MAP3K21: variants seen among roughly 807,000 people sequenced by gnomAD.
MAP3K21 encodes mitogen-activated protein kinase kinase kinase 21, also known as mitogen-activated protein kinase kinase kinase MLK4.
A neutral mutation model predicts 86.1 loss-of-function variants in MAP3K21; 63 were observed. The observed-to-expected ratio is 0.73, with a 90% CI of 0.60 to 0.90. MAP3K21 has a LOEUF of 0.90. Ranked by LOEUF, MAP3K21 falls within the 40% of genes least tolerant of loss-of-function variation. The pLI, the probability that MAP3K21 is intolerant of heterozygous loss-of-function variation, is 0.00. For synonymous variants in MAP3K21, 558 were observed against 564.8 expected (o/e 0.99, Z 0.17); for missense variants, 1,220 against 1,367.7 (o/e 0.89, Z 1.70).
At position 233,328,716 on chromosome 1, in the gene MAP3K21, C is replaced by CGCCGCATCCCTCCGCACGT; in HGVS notation, c.691_709dup (p.Leu237ProfsTer23). The CGCCGCATCCCTCCGCACGT allele has an allele frequency of 1.4e-6, 2 of 1,396,394 alleles. No individual in the cohort carries two copies. The highest frequency in any genetic ancestry group is 3.1e-5 in the East Asian group (1 of 32,242). 86.5% of individuals were successfully genotyped at this position (1,396,394 alleles called of 1,614,324 possible). On this transcript the variant is annotated frameshift_variant, in exon 1 of 10. Transcript: ENST00000366624. LOFTEE classifies it high-confidence loss of function. The surrounding 1 kb of genome is among the most constrained non-coding windows in gnomAD (Gnocchi z 8.7). ...GCGCGCGCCCGGCCCCCGCCGCGCG[C>CGCCGCATCCCTCCGCACGT]GCCGCATCCCTCCGCACGTGCTGGT...
intron 5 of MAP3K21, among the ~76,000 whole-genome samples, chr1:233,369,227 A>G (rs1029649646): frequency 6.7e-6 from 1 of 149,798 alleles, no homozygotes. Context: ...ATACAAAAAA[A>G]AAAAAAAAAA....
rs898670818 is a variant in MAP3K21, at chr1:233,375,769, T to C, written c.1676-147T>C. 5 of 594,542 alleles carry C rather than the reference T, an allele frequency of 8.4e-6. No homozygotes were observed. The African/African-American group carries it at 9.8e-5, about 12-fold the overall frequency. 36.8% of individuals were successfully genotyped at this position (594,542 alleles called of 1,614,324 possible). A position where few individuals can be genotyped will look rare whatever the true frequency, so the allele number is the denominator to read the frequency against. ...ATCAGAGAAAGAAACTTACCAGAGA[T>C]TGGGTGAAATAAATAATTTTCTCAT... On this transcript the variant is annotated intron_variant, in intron 6 of 9. Transcript: ENST00000366624.
chr1:233,367,162 T>G (rs770899763), intron 5 of MAP3K21, among the ~76,000 whole-genome samples: 7 of 152,204 alleles, frequency 4.6e-5, no homozygotes, highest in Admixed American at 6.5e-5. Context: ...AGTGGCATTC[T>G]AACTTTGATT....
chr1:233,358,935 G>A (rs1203974420), intron 4 of MAP3K21, among the ~76,000 whole-genome samples: 6 of 152,074 alleles, frequency 3.9e-5, no homozygotes, highest in African/African-American at 2.4e-5. Flanking sequence ...TCAGCCTCCC[G>A]AGTAGCTGGG....
intron 5 of MAP3K21, among the ~76,000 whole-genome samples, chr1:233,366,234 A>G (rs1010594041): frequency 1.3e-5 from 2 of 152,084 alleles, no homozygotes; most frequent in Non-Finnish European, 2.9e-5. Flanking sequence ...GTTAATGGAT[A>G]CCAAAGTACA....
chr1:233,339,476 T>TCTCCTCCTC (rs1662995019), intron 1 of MAP3K21, among the ~76,000 whole-genome samples: 4 of 94,084 alleles, frequency 4.3e-5, no homozygotes, highest in African/African-American at 6.8e-5. Context: ...TTCTCCTTCT[T>TCTCCTCCTC]CTTCTTCTTC....
chr1:233,328,275 G>A lies in MAP3K21; in HGVS notation c.247G>A (p.Gly83Ser), dbSNP rs1481840759. Reference protein sequence around the residue: ...AVSGDEGWWAGQVQRRLGIFP... With the variant: ...AVSGDEGWWASQVQRRLGIFP... ...GTCGGGCGACGAGGGCTGGTGGGCA[G>A]GCCAGGTGCAGCGGCGCCTCGGCAT... The change falls in exon 1 of 10, where the codon GGC becomes AGC. Residue 83 changes from glycine (G) to serine (S), a missense_variant. By Grantham distance (56) the Gly-to-Ser change is moderately conservative (BLOSUM62 0). Coordinates refer to ENST00000366624, the MANE Select transcript of MAP3K21 (RefSeq NM_032435.3). This position sits in a 1 kb window ranked among gnomAD's most constrained non-coding sequence, Gnocchi z 8.7. The A allele has an allele frequency of 1.3e-6, 2 of 1,490,052 alleles. No homozygotes were observed. The highest frequency in any genetic ancestry group is 2.2e-5 in the Admixed American group (1 of 44,942). 92.3% of individuals were successfully genotyped at this position (1,490,052 alleles called of 1,614,324 possible). A position where few individuals can be genotyped will look rare whatever the true frequency, so the allele number is the denominator to read the frequency against.
In MAP3K21 at chr1:233,376,143, A is replaced by C. The variant is rs146732260; in HGVS notation, c.1826+77A>C. On this transcript the variant is annotated intron_variant, in intron 7 of 9. Coordinates refer to ENST00000366624, the MANE Select transcript of MAP3K21 (RefSeq NM_032435.3). The stretch of plus-strand genomic sequence containing the variant: ...CCTGTGTTAATATCACATCAGCCAG[A>C]CTTTCAAAAAGCAAGTAAATTAATA... 111 of 1,279,384 alleles carry C rather than the reference A, an allele frequency of 8.7e-5. No homozygotes were observed. The African/African-American group carries it at 1.3e-3, about 15-fold the overall frequency. The allele number at this position is 1,279,384 out of a possible 1,614,324, so 79.3% of individuals were successfully genotyped here.
chr1:233,362,354 C>A (rs939128490), intron 5 of MAP3K21, 61 bp downstream of exon 5: 1 of 1,569,832 alleles, frequency 6.4e-7, no homozygotes, highest in Non-Finnish European at 8.7e-7. Context: ...AATCAGTTTT[C>A]TTTGTTCATC....
At chr1:233,344,897 C>A (rs527525525) in intron 1 of MAP3K21, among the ~76,000 whole-genome samples, 6 of 152,002 alleles carry the variant, frequency 3.9e-5, no homozygotes, top group African/African-American at 1.5e-4. Context: ...AAAAACCAAA[C>A]AACCCCATCA....
Position 233,379,693 on chromosome 1 carries a change from A to G in MAP3K21, c.2687A>G (p.Asp896Gly). ...RPSHHRRTMS[D>G]GNPTPTGATI... ...TCACATCACAGACGGACCATGTCTG[A>G]TGGAAATCCGACCCCAAGTAGGTTG... The change falls in exon 9 of 10, where the codon GAT becomes GGT. Residue 896 changes from aspartate (D) to glycine (G), a missense_variant. Coordinates refer to ENST00000366624, the MANE Select transcript of MAP3K21 (RefSeq NM_032435.3). The G allele has an allele frequency of 6.2e-7, 1 of 1,610,504 alleles. No homozygotes were observed. The highest frequency in any genetic ancestry group is 1.1e-5 in the South Asian group (1 of 91,048).
At chr1:233,362,381 T>C in intron 5 of MAP3K21, 88 bp downstream of exon 5, 4 of 1,427,546 alleles carry the variant, frequency 2.8e-6, no homozygotes, top group Non-Finnish European at 2.9e-6. Flanking sequence ...AGGAAAGAGA[T>C]AGGGAAGTAA....
At chr1:233,347,658 TTATAAG>T (rs1663173145) in intron 2 of MAP3K21, among the ~76,000 whole-genome samples, 2 of 152,170 alleles carry the variant, frequency 1.3e-5, no homozygotes, top group South Asian at 2.1e-4. Flanking sequence ...ATGTTCTCAC[TTATAAG>T]TAGGAGCTTA....
In MAP3K21 at chr1:233,382,429, T is replaced by G; in HGVS notation, c.2829T>G (p.Pro943=). Residue 943 remains proline (P), a synonymous_variant, in exon 10 of 10, where the codon CCT becomes CCG. Coordinates refer to ENST00000366624, the MANE Select transcript of MAP3K21 (RefSeq NM_032435.3). ...PKKHSTVHIV[P]QRRPASLRSR... Reference sequence around the variant, plus strand: ...AGCACAGCACTGTCCACATCGTGCCTCAGCGTCGCCCTGCCTCCCTGAGAA... The same window carrying G: ...AGCACAGCACTGTCCACATCGTGCCGCAGCGTCGCCCTGCCTCCCTGAGAA... The G allele has an allele frequency of 6.2e-7, 1 of 1,614,088 alleles. No homozygotes were observed. The highest frequency in any genetic ancestry group is 8.5e-7 in the Non-Finnish European group (1 of 1,180,020).
chr1:233,344,260 C>T (rs1663090737), intron 1 of MAP3K21, among the ~76,000 whole-genome samples: 1 of 152,218 alleles, frequency 6.6e-6, no homozygotes, highest in South Asian at 2.1e-4. Flanking sequence ...CAAAAAAGAG[C>T]TCACATTGCC....
intron 1 of MAP3K21, among the ~76,000 whole-genome samples, chr1:233,343,373 C>T (rs1663074316): frequency 6.6e-6 from 1 of 152,148 alleles, no homozygotes; most frequent in Admixed American, 6.6e-5. Context: ...TTACTCCTCC[C>T]TACAATCTTA....
At chr1:233,342,803 C>T (rs1161658561) in intron 1 of MAP3K21, among the ~76,000 whole-genome samples, 1 of 151,878 alleles carries the variant, frequency 6.6e-6, no homozygotes, top group East Asian at 1.9e-4. Flanking sequence ...CTCTCTCACC[C>T]TCCTTTTCTC....
At chr1:233,358,842 C>G (rs1439321635) in intron 4 of MAP3K21, among the ~76,000 whole-genome samples, 1 of 152,086 alleles carries the variant, frequency 6.6e-6, no homozygotes, top group Non-Finnish European at 1.5e-5. Flanking sequence ...CAGAGTCTCA[C>G]TCTGTTACCC....
chr1:233,353,683 C>A (rs1249414213), intron 2 of MAP3K21, 124 bp from the exon 3 acceptor site: 2 of 911,122 alleles, frequency 2.2e-6, no homozygotes, highest in East Asian at 5.9e-5. Context: ...CATTTAGGGG[C>A]TTTTCTGGAA....
Sources: gnomAD v4.1 joint callset for allele counts (sites outside exome capture counted in the v4.1 genomes callset) on GRCh38, gnomAD v4.1.1 for gene constraint, Gnocchi (gnomAD v3.1) non-coding constraint, MANE v1.5 for transcripts, NCBI Gene and HGNC (gene_info 2026-07-23, HGNC 2026-07-21) for gene names.